PRKCQ: variants seen among roughly 807,000 people sequenced by gnomAD.
PRKCQ encodes the protein protein kinase C theta type.
PRKCQ carries 41 observed loss-of-function variants against 91.2 expected under a neutral mutation model. That is an observed-to-expected ratio of 0.45 (90% CI 0.35 to 0.58). The LOEUF (loss-of-function observed/expected upper bound fraction) is 0.58, where lower values mean the gene tolerates loss of function less well. Ranked by LOEUF, PRKCQ falls within the 20% of genes least tolerant of loss-of-function variation. PRKCQ has a pLI of 0.00. For synonymous variants in PRKCQ, 307 were observed against 316.9 expected (o/e 0.97, Z 0.33); for missense variants, 673 against 896.5 (o/e 0.75, Z 3.18).
At chr10:6,398,057 A>G in the PRKCQ span, among the ~76,000 whole-genome samples, 2 of 152,194 alleles carry the variant, frequency 1.3e-5, no homozygotes, top group African/African-American at 2.4e-5. Flanking sequence ...CTTTTTGTGC[A>G]TGGTGTGAGA....
chr10:6,434,287 A>G (rs1014547773), intron 16 of PRKCQ, among the ~76,000 whole-genome samples: 1 of 152,146 alleles, frequency 6.6e-6, no homozygotes, highest in Non-Finnish European at 1.5e-5. Flanking sequence ...TGGGTTTTCT[A>G]TTCTATTTCT....
intron 1 of PRKCQ, among the ~76,000 whole-genome samples, chr10:6,554,981 A>G (rs1255115196): frequency 1.3e-5 from 2 of 152,200 alleles, no homozygotes; most frequent in Non-Finnish European, 2.9e-5. Context: ...CTTTGCAGCA[A>G]CATGATTGCA....
the PRKCQ span, among the ~76,000 whole-genome samples, chr10:6,401,261 A>G: frequency 1.3e-5 from 2 of 152,128 alleles, no homozygotes; most frequent in Non-Finnish European, 2.9e-5. Flanking sequence ...ATCTCTACCT[A>G]TGTAAGCACA....
intron 1 of PRKCQ, among the ~76,000 whole-genome samples, chr10:6,547,154 T>C (rs1004515256): frequency 6.6e-6 from 1 of 152,154 alleles, no homozygotes; most frequent in South Asian, 2.1e-4. Context: ...TTGAGGATTT[T>C]TGTGGGAATC....
In PRKCQ at chr10:6,478,973, G is replaced by C. The variant is rs1836425839; in HGVS notation, c.1353+19C>G. 6.2e-7 allele frequency: 1 copy of C among 1,612,664 alleles called. No homozygotes were observed. Among genetic ancestry groups the C allele is most frequent in the Non-Finnish European group, 8.5e-7 (1 of 1,179,116 alleles). On this transcript the variant is annotated intron_variant, in intron 12 of 17. Coordinates refer to ENST00000263125, the MANE Select transcript of PRKCQ (RefSeq NM_006257.5). ...GACAGGTTAGAGGGGAGGTAGGGTT[G>C]TCGGAGCAGAAGCCATACCTTGGTC...
chr10:6,520,076 G>A (rs562719690), intron 1 of PRKCQ, among the ~76,000 whole-genome samples: 5 of 152,304 alleles, frequency 3.3e-5, no homozygotes, highest in Admixed American at 3.3e-4. Context: ...AAGACTGACT[G>A]GCCAGGCTGT....
rs570095352 is a variant in PRKCQ at position 6,509,847 on chromosome 10, A to G, written c.318+1148T>C. On this transcript the variant is annotated intron_variant, in intron 3 of 17. Transcript: ENST00000263125. ...TATATTTGTCTCTAAAGATTACTTT[A>G]GTGATACGAGCAAAGATTTTTATAC... Among the ~76,000 whole-genome samples, 9 of 152,374 alleles carry G rather than the reference A, an allele frequency of 5.9e-5. No individual in the cohort carries two copies. The South Asian group carries it at 1.9e-3, about 32-fold the overall frequency.
chr10:6,490,045 C>T (rs967220791), intron 8 of PRKCQ, among the ~76,000 whole-genome samples: 1 of 152,038 alleles, frequency 6.6e-6, no homozygotes, highest in Non-Finnish European at 1.5e-5. Context: ...CGGGACACTA[C>T]GTTTTGTCTC....
chr10:6,413,650 C>G, the PRKCQ span, among the ~76,000 whole-genome samples: 652 of 83,280 alleles, frequency 7.8e-3, 78 homozygotes, highest in Middle Eastern at 0.016. Flanking sequence ...CACACACACA[C>G]ACTAGGAAGC....
At chr10:6,407,500 G>A in the PRKCQ span, among the ~76,000 whole-genome samples, 1 of 150,646 alleles carries the variant, frequency 6.6e-6, no homozygotes, top group Non-Finnish European at 1.5e-5. This position sits in a 1 kb window ranked among gnomAD's most constrained non-coding sequence, Gnocchi z 4.0. Context: ...TGTGTATGGT[G>A]TGTATGTATG....
the PRKCQ span, among the ~76,000 whole-genome samples, chr10:6,404,405 TTCTTTCTTTCTTTTTTC>T: frequency 6.6e-6 from 1 of 151,256 alleles, no homozygotes; most frequent in Admixed American, 6.6e-5. Flanking sequence ...CTTTCTTTCC[TTCTTTCTTTCTTTTTTC>T]TCTTTCTTTC....
At chr10:6,475,492 C>T (rs889250736) in intron 12 of PRKCQ, among the ~76,000 whole-genome samples, 2 of 152,176 alleles carry the variant, frequency 1.3e-5, no homozygotes, top group Non-Finnish European at 1.5e-5. Context: ...CCAAATGACC[C>T]TAATTAATAA....
intron 1 of PRKCQ, among the ~76,000 whole-genome samples, chr10:6,540,646 C>T (rs1839744163): frequency 6.6e-6 from 1 of 152,144 alleles, no homozygotes; most frequent in Admixed American, 6.5e-5. Context: ...TGCTGATGAA[C>T]ATTTGGGCTG....
At chr10:6,466,444 T>C (rs1241772798) in intron 12 of PRKCQ, among the ~76,000 whole-genome samples, 1 of 152,214 alleles carries the variant, frequency 6.6e-6, no homozygotes, top group African/African-American at 2.4e-5. Flanking sequence ...ACTACGTTAC[T>C]AGTGATTATT....
At chr10:6,579,565 G>T (rs571313794) in intron 1 of PRKCQ, among the ~76,000 whole-genome samples, 2 of 151,978 alleles carry the variant, frequency 1.3e-5, no homozygotes, top group East Asian at 3.9e-4. Context: ...ATACTTTATT[G>T]CACAAACTTT....
chr10:6,505,614 C>T (rs951161331), intron 4 of PRKCQ, among the ~76,000 whole-genome samples: 51 of 143,454 alleles, frequency 3.6e-4, no homozygotes, highest in Non-Finnish European at 6.9e-4. Context: ...CTCTCTCTCT[C>T]CCTTCCTTCC....
chr10:6,579,837 A>ATTTTT (rs3086770), intron 1 of PRKCQ, among the ~76,000 whole-genome samples: 7 of 136,966 alleles, frequency 5.1e-5, no homozygotes, highest in South Asian at 2.4e-4. Context: ...TTCCTCACGC[A>ATTTTT]TTTTTTTTTT....
At chr10:6,511,584 C>G (rs1394749732) in intron 2 of PRKCQ, among the ~76,000 whole-genome samples, 1 of 152,116 alleles carries the variant, frequency 6.6e-6, no homozygotes, top group African/African-American at 2.4e-5. Flanking sequence ...GATGAGAGCT[C>G]AGTCTGAAGT....
chr10:6,426,948 C>G (rs887835045), downstream of PRKCQ, among the ~76,000 whole-genome samples: 8 of 152,168 alleles, frequency 5.3e-5, no homozygotes, highest in Admixed American at 3.3e-4. Context: ...ATTGGCCAGG[C>G]TGGTCTCGAA....
Sources: gnomAD v4.1 joint callset for allele counts (sites outside exome capture counted in the v4.1 genomes callset) on GRCh38, gnomAD v4.1.1 for gene constraint, Gnocchi (gnomAD v3.1) non-coding constraint, MANE v1.5 for transcripts, NCBI Gene and HGNC (gene_info 2026-07-23, HGNC 2026-07-21) for gene names.